The following CUX2 variants were observed in gnomAD, a reference collection of about 807,000 sequenced individuals.
The protein encoded by CUX2 is cut like homeobox 2, also known as homeobox protein cut-like 2.
Under a neutral mutation model 144.8 loss-of-function variants are expected in CUX2, and 40 were observed. That is an observed-to-expected ratio of 0.28 (90% CI 0.21 to 0.36). The LOEUF (loss-of-function observed/expected upper bound fraction) is 0.36. CUX2 is among the 10% of genes least tolerant of loss of function. CUX2 has a pLI of 1.00. For synonymous variants in CUX2, 827 were observed against 875.6 expected, an observed-to-expected ratio of 0.94 and a Z score of 0.98; for missense variants, 1,615 against 1,994.0, an observed-to-expected ratio of 0.81 and a Z score of 3.62.
intron 20 of CUX2, among the ~76,000 whole-genome samples, chr12:111,339,025 G>A (rs1352653343): frequency 6.6e-6 from 1 of 152,070 alleles, no homozygotes; most frequent in Non-Finnish European, 1.5e-5. Flanking sequence ...CTGAGGTCGG[G>A]AGTTCAAGAC....
intron 1 of CUX2, among the ~76,000 whole-genome samples, chr12:111,042,269 C>A (rs990084745): frequency 6.6e-6 from 1 of 152,078 alleles, no homozygotes; most frequent in Admixed American, 6.5e-5. Context: ...GTGGGTGTTG[C>A]GGATCCGGAG....
intron 10 of CUX2, among the ~76,000 whole-genome samples, chr12:111,305,269 A>G (rs1470811642): frequency 6.6e-6 from 1 of 152,184 alleles, no homozygotes; most frequent in African/African-American, 2.4e-5. Flanking sequence ...TCCTTACATA[A>G]TAACAGGTCT....
At position 111,347,990 on chromosome 12, in the gene CUX2, G is replaced by T. The variant is rs1178100134; in HGVS notation, c.4126G>T (p.Asp1376Tyr). 6.2e-7 allele frequency: 1 copy of T among 1,613,936 alleles called. No homozygotes were observed. The highest frequency in any genetic ancestry group is 1.3e-5 in the African/African-American group (1 of 74,892). Residue 1376 changes from aspartate to tyrosine, a missense_variant, in exon 22 of 22, where the codon GAC becomes TAC. By Grantham distance (160) the Asp-to-Tyr change is radical (BLOSUM62 -3). Around this residue, in one of 12 missense-constraint regions of CUX2, gnomAD observed 298 missense variants for 330.4 expected, o/e 0.90. Coordinates refer to ENST00000261726, the MANE Select transcript of CUX2 (RefSeq NM_015267.4). ...TGAGGCCGGGGAGCGACTTCACCCG[G>T]ACCCTTTAAGTTTTAAGTCAGCCTC... ...ESEAGERLHP[D>Y]PLSFKSASES... is the part of the protein sequence containing the mutation.
intron 1 of CUX2, among the ~76,000 whole-genome samples, chr12:111,053,323 C>T (rs1021605988): frequency 7.2e-5 from 11 of 152,162 alleles, no homozygotes; most frequent in African/African-American, 2.4e-4. Context: ...TGACAAGAAA[C>T]GCTCTTCCTT....
chr12:111,132,900 G>A (rs186995170), intron 1 of CUX2, among the ~76,000 whole-genome samples: 106 of 152,162 alleles, frequency 7.0e-4, no homozygotes, highest in Admixed American at 6.1e-3. Context: ...GCTTTTAACA[G>A]CACTCAAAGC....
In CUX2 at chr12:111,186,165, C is replaced by T. The variant is rs907394702; in HGVS notation, c.64-28035C>T. On this transcript the variant is annotated intron_variant, in intron 1 of 21. Transcript: ENST00000261726. This position sits in a 1 kb window ranked among gnomAD's most constrained non-coding sequence, Gnocchi z 4.4. ...CGGCATTTCTCCTCTTTCCCACTCT[C>T]GGCATCCATCCTGCCTTCCCTTCCC... Among the ~76,000 whole-genome samples the T allele has an allele frequency of 2.0e-5, 3 of 152,030 alleles. No homozygotes were observed. The highest frequency in any genetic ancestry group is 4.8e-5 in the African/African-American group (2 of 41,396).
At chr12:111,126,819 A>G (rs1254480570) in intron 1 of CUX2, among the ~76,000 whole-genome samples, 1 of 152,216 alleles carries the variant, frequency 6.6e-6, no homozygotes, top group Non-Finnish European at 1.5e-5. Flanking sequence ...ACCCATATGC[A>G]TCTCCTTAAG....
chr12:111,334,420 C>T, intron 18 of CUX2, 21 bp from the exon 19 acceptor site: 3 of 1,555,178 alleles, frequency 1.9e-6, no homozygotes, highest in Non-Finnish European at 2.6e-6. Flanking sequence ...TAACCACCTT[C>T]TCTTTCTCTG....
At chr12:111,176,038 T>TC (rs1878838998) in intron 1 of CUX2, among the ~76,000 whole-genome samples, 1 of 140,640 alleles carries the variant, frequency 7.1e-6, no homozygotes, top group Non-Finnish European at 1.5e-5. Flanking sequence ...TTCTTCTTCT[T>TC]CTTTTTTTTT....
At chr12:111,049,663 G>A (rs1245406072) in intron 1 of CUX2, among the ~76,000 whole-genome samples, 1 of 152,162 alleles carries the variant, frequency 6.6e-6, no homozygotes, top group East Asian at 1.9e-4. Context: ...ATGTTCTCTA[G>A]CCTAGGTAGA....
intron 3 of CUX2, among the ~76,000 whole-genome samples, chr12:111,229,969 G>A (rs941602353): frequency 2.7e-5 from 4 of 150,100 alleles, no homozygotes; most frequent in African/African-American, 7.4e-5. Flanking sequence ...AACTGAGATC[G>A]TGCCACTGCA....
At chr12:111,270,205 C>T (rs1452917084) in intron 4 of CUX2, 1 of 152,110 alleles carries the variant, frequency 6.6e-6, no homozygotes. Flanking sequence ...GACGCGCACA[C>T]TCCTGTTTTT....
intron 1 of CUX2, among the ~76,000 whole-genome samples, chr12:111,131,539 T>A (rs1380787955): frequency 6.6e-6 from 1 of 152,226 alleles, no homozygotes; most frequent in Non-Finnish European, 1.5e-5. Context: ...AAGTCTCATC[T>A]GAGACAAGGC....
At chr12:111,223,601 A>T (rs1172221775) in intron 3 of CUX2, among the ~76,000 whole-genome samples, 3 of 152,198 alleles carry the variant, frequency 2.0e-5, no homozygotes, top group Non-Finnish European at 4.4e-5. Flanking sequence ...TTATGTGAGA[A>T]GTGTGACTAC....
intron 16 of CUX2, among the ~76,000 whole-genome samples, chr12:111,318,839 A>G (rs940281629): frequency 6.6e-6 from 1 of 151,560 alleles, no homozygotes; most frequent in Non-Finnish European, 1.5e-5. Context: ...TAATTTTTGT[A>G]TTTTTTGCAG....
chr12:111,273,640 C>T (rs937960760), intron 4 of CUX2, among the ~76,000 whole-genome samples: 7 of 152,152 alleles, frequency 4.6e-5, no homozygotes, highest in Non-Finnish European at 8.8e-5. Flanking sequence ...CGAGGAAGAA[C>T]AAGTGGAACT....
chr12:111,197,723 C>G (rs564889535), intron 1 of CUX2, among the ~76,000 whole-genome samples: 2 of 152,312 alleles, frequency 1.3e-5, no homozygotes, highest in South Asian at 4.1e-4. Context: ...AGTCTAAGGT[C>G]ATCCAAGGCG....
At chr12:111,345,076 G>A (rs1447673479) in intron 21 of CUX2, among the ~76,000 whole-genome samples, 1 of 151,060 alleles carries the variant, frequency 6.6e-6, no homozygotes, top group Non-Finnish European at 1.5e-5. Context: ...GCTGGTTTTT[G>A]CCATTTTTTA....
chr12:111,085,041 T>A (rs1020869049), intron 1 of CUX2, among the ~76,000 whole-genome samples: 1 of 152,080 alleles, frequency 6.6e-6, no homozygotes, highest in Non-Finnish European at 1.5e-5. Flanking sequence ...CAGGCAACAC[T>A]CCCTGCCTCC....
Sources: allele counts gnomAD v4.1 joint callset (sites outside exome capture counted in the v4.1 genomes callset), GRCh38; gene constraint gnomAD v4.1.1; regional missense constraint gnomAD v4.1.1; non-coding constraint Gnocchi (gnomAD v3.1); transcripts MANE v1.5; gene names NCBI Gene and HGNC (gene_info 2026-07-23, HGNC 2026-07-21).